The following CUX1 variants were observed in gnomAD, a reference collection of about 807,000 sequenced individuals.
CUX1 encodes the protein cut like homeobox 1, also known as protein CASP.
Under a neutral mutation model 158.8 loss-of-function variants are expected in CUX1, and 31 were observed. That is an observed-to-expected ratio of 0.20 (90% confidence interval 0.15 to 0.26). The LOEUF (loss-of-function observed/expected upper bound fraction) is 0.26, where lower values mean the gene tolerates loss of function less well. Ranked by LOEUF, CUX1 falls within the 10% of genes least tolerant of loss-of-function variation. The pLI is 1.00. For missense variants in CUX1, 1,589 were observed against 2,014.6 expected (o/e 0.79, Z 4.04); for synonymous variants, 879 against 862.1 (o/e 1.02, Z -0.34).
At chr7:102,226,305 C>T (rs559453681) in intron 20 of CUX1, among the ~76,000 whole-genome samples, 5 of 152,308 alleles carry the variant, frequency 3.3e-5, no homozygotes, top group African/African-American at 1.2e-4. Flanking sequence ...GCAGGCAGAA[C>T]CAGCAAGTCC....
At chr7:102,148,889 G>A (rs1413373471) in intron 8 of CUX1, among the ~76,000 whole-genome samples, 2 of 149,902 alleles carry the variant, frequency 1.3e-5, no homozygotes, top group Non-Finnish European at 1.5e-5. Context: ...CATTTTCATC[G>A]CTTAGCTCCC....
intron 14 of CUX1, among the ~76,000 whole-genome samples, chr7:102,268,364 G>A (rs942917329): frequency 6.6e-5 from 10 of 151,910 alleles, no homozygotes; most frequent in African/African-American, 2.4e-4. Context: ...CAACACCTTC[G>A]CCTCGCTCAG....
intron 12 of CUX1, among the ~76,000 whole-genome samples, chr7:102,193,633 C>T (rs565155546): frequency 3.3e-5 from 5 of 152,134 alleles, no homozygotes; most frequent in Admixed American, 1.3e-4. Flanking sequence ...GGTGAAACCC[C>T]GTCTCTACTA....
chr7:102,250,052 GAAAAAA>G lies in CUX1; in HGVS notation c.*1014_*1019del. ...CTAGGCCAAATCAGGACAAAAAAAAGAAAAAAAAAGAAAAAAAAAAAAGAAAAGATC... is the reference window on the plus strand; with the variant it reads ...CTAGGCCAAATCAGGACAAAAAAAAGAAAGAAAAAAAAAAAAGAAAAGATC... On this transcript the variant is annotated 3_prime_UTR_variant, in exon 24 of 24. Transcript: ENST00000292535. 2.2e-6 allele frequency: 2 copies of G among 917,346 alleles called. No individual in the cohort carries two copies. Among genetic ancestry groups the G allele is most frequent in the South Asian group, 1.0e-4 (2 of 19,328 alleles). The allele number at this position is 917,346 out of a possible 1,614,324, so 56.8% of individuals were successfully genotyped here. A position where few individuals can be genotyped will look rare whatever the true frequency, so the allele number is the denominator to read the frequency against.
At chr7:101,855,809 C>T (rs1447426273) in intron 1 of CUX1, among the ~76,000 whole-genome samples, 21 of 141,728 alleles carry the variant, frequency 1.5e-4, no homozygotes, top group African/African-American at 4.0e-4. Flanking sequence ...ACCCGAGAGG[C>T]GGAGGTTGCA....
At chr7:101,922,787 G>A (rs1805105416) in intron 2 of CUX1, among the ~76,000 whole-genome samples, 1 of 152,178 alleles carries the variant, frequency 6.6e-6, no homozygotes, top group South Asian at 2.1e-4. Flanking sequence ...ATGGGTGAAG[G>A]AGCAAGGCCA....
At position 101,869,968 on chromosome 7, in the gene CUX1, G is replaced by GC. The variant is rs937157138; in HGVS notation, c.31-46140dup. On this transcript the variant is annotated intron_variant, in intron 1 of 23. Transcript: ENST00000292535. This position sits in a 1 kb window ranked among gnomAD's most constrained non-coding sequence, Gnocchi z 4.5. ...CACCCTTGGGAAGGCGGCTCCTCGT[G>GC]CCCCCCCTCTTGTGCCTTCCCTCCC... 6.6e-5 allele frequency among the ~76,000 whole-genome samples: 10 copies of GC among 151,536 alleles called. No homozygotes were observed. Among genetic ancestry groups the GC allele is most frequent in the East Asian group, 3.9e-4 (2 of 5,110 alleles).
chr7:102,083,322 T>C lies in CUX1; in HGVS notation c.268+12905T>C, dbSNP rs182995800. 4.7e-5 allele frequency among the ~76,000 whole-genome samples: 7 copies of C among 147,496 alleles called. No individual in the cohort carries two copies. In the East Asian group the frequency reaches 1.4e-3, roughly 28 times the overall value. On this transcript the variant is annotated intron_variant, in intron 4 of 23. Transcript: ENST00000292535. The stretch of plus-strand genomic sequence containing the variant: ...TTTCAATCCCTTGCACATTTGAATT[T>C]TGGAGACAGGGTCTTGCTCTGTTGC...
intron 2 of CUX1, among the ~76,000 whole-genome samples, chr7:101,917,740 A>G (rs571362250): frequency 6.6e-6 from 1 of 152,238 alleles, no homozygotes; most frequent in East Asian, 1.9e-4. Context: ...CCATCGTGCT[A>G]GCTCCTCTTA....
At chr7:102,026,549 G>C (rs1820044455) in intron 2 of CUX1, among the ~76,000 whole-genome samples, 1 of 151,756 alleles carries the variant, frequency 6.6e-6, no homozygotes, top group African/African-American at 2.4e-5. Context: ...GCCTAGCCCG[G>C]TGGCTCATGC....
intron 8 of CUX1, among the ~76,000 whole-genome samples, chr7:102,147,600 A>G (rs1357304644): frequency 6.6e-6 from 1 of 152,208 alleles, no homozygotes; most frequent in Non-Finnish European, 1.5e-5. Flanking sequence ...TTGTATTTAC[A>G]ATTTGCCAAA....
At chr7:102,205,476 C>T (rs1261858029) in intron 20 of CUX1, among the ~76,000 whole-genome samples, 1 of 152,150 alleles carries the variant, frequency 6.6e-6, no homozygotes, top group Non-Finnish European at 1.5e-5. Context: ...AGGGGGCTTA[C>T]CGTCTGATAG....
intron 8 of CUX1, among the ~76,000 whole-genome samples, chr7:102,135,685 T>G (rs1585850736): frequency 1.3e-5 from 2 of 151,996 alleles, no homozygotes; most frequent in African/African-American, 4.8e-5. Flanking sequence ...GAGAAAATAG[T>G]CTTTTCAGGC....
In CUX1 at chr7:102,251,740, C is replaced by G. The variant is rs1017849844; in HGVS notation, c.*2698C>G. 8 of 985,318 alleles carry G rather than the reference C, an allele frequency of 8.1e-6. No homozygotes were observed. Among genetic ancestry groups the G allele is most frequent in the Non-Finnish European group, 9.6e-6 (8 of 829,902 alleles). 61.0% of individuals were successfully genotyped at this position (985,318 alleles called of 1,614,324 possible). A position where few individuals can be genotyped will look rare whatever the true frequency, so the allele number is the denominator to read the frequency against. On this transcript the variant is annotated 3_prime_UTR_variant, in exon 24 of 24. Transcript: ENST00000292535. ...CACAAAACCCTCAAGGGACTTTTGTCATCATGTGTGATGAATCTTTAAATA... is the reference window on the plus strand; with the variant it reads ...CACAAAACCCTCAAGGGACTTTTGTGATCATGTGTGATGAATCTTTAAATA...
chr7:102,215,129 A>G (rs1232918190), intron 20 of CUX1, among the ~76,000 whole-genome samples: 1 of 151,946 alleles, frequency 6.6e-6, no homozygotes, highest in Non-Finnish European at 1.5e-5. Context: ...GTTAAGGTCA[A>G]TTTTGTTCCA....
chr7:102,098,860 C>T (rs201466), intron 5 of CUX1, among the ~76,000 whole-genome samples: 82,178 of 135,656 alleles, frequency 0.61, 26,640 homozygotes, highest in African/African-American at 0.79. Context: ...GGGATTTCAC[C>T]GTGTTAGCCA....
chr7:101,836,512 C>A (rs906572107), intron 1 of CUX1, among the ~76,000 whole-genome samples: 2 of 151,836 alleles, frequency 1.3e-5, no homozygotes, highest in Non-Finnish European at 2.9e-5. Context: ...CAACAAGGGA[C>A]CCCCTTCACT....
intron 2 of CUX1, among the ~76,000 whole-genome samples, chr7:101,959,032 A>C (rs1000778060): frequency 3.3e-5 from 5 of 150,570 alleles, no homozygotes; most frequent in Non-Finnish European, 7.4e-5. Context: ...GCTAATTTTT[A>C]AATTTTTTAT....
chr7:102,249,488 T>C lies in CUX1; in HGVS notation c.*446T>C. ...GCTTTTTTGTACCCTGAAGTGTTTT[T>C]TTTATTGCCCTAAGTGATTTCCACA... On this transcript the variant is annotated 3_prime_UTR_variant, in exon 24 of 24. Transcript: ENST00000292535. 1.0e-6 allele frequency: 1 copy of C among 985,980 alleles called. No individual in the cohort carries two copies. The highest frequency in any genetic ancestry group is 1.2e-6 in the Non-Finnish European group (1 of 829,972). 61.1% of individuals were successfully genotyped at this position (985,980 alleles called of 1,614,324 possible).
Sources: gnomAD v4.1 joint callset for allele counts (sites outside exome capture counted in the v4.1 genomes callset) on GRCh38, gnomAD v4.1.1 for gene constraint, Gnocchi (gnomAD v3.1) non-coding constraint, MANE v1.5 for transcripts, NCBI Gene and HGNC (gene_info 2026-07-23, HGNC 2026-07-21) for gene names.